The following PNKD variants were observed in gnomAD, a reference collection of about 807,000 sequenced individuals.
PNKD encodes the protein probable thioesterase PNKD.
In PNKD, 36 loss-of-function variants were observed where a neutral mutation model predicts 45.3. The ratio of observed to expected loss-of-function variants is 0.80; its 90% CI spans 0.61 to 1.05. The LOEUF (loss-of-function observed/expected upper bound fraction) is 1.05. Among genes scored for constraint, PNKD ranks in the 50% least tolerant of loss-of-function variants. PNKD has a pLI of 0.00. For missense variants in PNKD, 511 were observed against 506.6 expected (o/e 1.01, Z -0.08); for synonymous variants, 197 against 210.1 (o/e 0.94, Z 0.54).
chr2:218,344,885 G>A lies in PNKD; in HGVS notation c.1062G>A (p.Leu354=), dbSNP rs768551689. 1.2e-6 allele frequency: 2 copies of A among 1,613,942 alleles called. No individual in the cohort carries two copies. The highest frequency in any genetic ancestry group is 2.2e-5 in the South Asian group (2 of 91,078). The change falls in exon 10 of 10, where the codon CTG becomes CTA. Residue 354 remains leucine, a synonymous_variant. Coordinates refer to ENST00000273077, the MANE Select transcript of PNKD (RefSeq NM_015488.5). ...RTHCLALQEA[L]GPGPGPTGDD... is the part of the protein sequence containing the mutation. The stretch of plus-strand genomic sequence containing the variant: ...ACTGCCTGGCGCTACAGGAGGCTCT[G>A]GGGCCGGGGCCGGGCCCCACTGGGG...
At position 218,346,724 on chromosome 2, in the gene PNKD, CGCCTAGCACGGT is replaced by C. The variant is rs1205647262; in HGVS notation, c.*1753_*1764del. ...TATCTTATGCATCTCTGTATTTCTG[CGCCTAGCACGGT>C]GCCTAGCACACAGTAGGCGCTCAAT... On this transcript the variant is annotated 3_prime_UTR_variant, in exon 10 of 10. Transcript: ENST00000273077. 1 of 153,964 alleles carries C rather than the reference CGCCTAGCACGGT, an allele frequency of 6.5e-6. No individual in the cohort carries two copies. Among genetic ancestry groups the C allele is most frequent in the Admixed American group, 6.5e-5 (1 of 15,290 alleles). 9.5% of individuals were successfully genotyped at this position (153,964 alleles called of 1,614,324 possible).
At chr2:218,272,920 A>C in intron 2 of PNKD, 1 of 1,517,404 alleles carries the variant, frequency 6.6e-7, no homozygotes. Flanking sequence ...AAGGCAAATA[A>C]AGTTATTGAG....
chr2:218,270,723 TAG>T, intron 1 of PNKD, 121 bp downstream of exon 1: 2 of 424,228 alleles, frequency 4.7e-6, no homozygotes, highest in East Asian at 7.1e-5. Flanking sequence ...TGCAAGATCT[TAG>T]AGTCTGGGGG....
At position 218,344,896 on chromosome 2, in the gene PNKD, C is replaced by CG; in HGVS notation, c.1076dup (p.Thr361HisfsTer4). On this transcript the variant is annotated frameshift_variant, in exon 10 of 10. Transcript: ENST00000273077. LOFTEE classifies it high-confidence loss of function. ...CTACAGGAGGCTCTGGGGCCGGGGC[C>CG]GGGCCCCACTGGGGATGATGACTAC... The CG allele has an allele frequency of 6.2e-7, 1 of 1,613,956 alleles. No individual in the cohort carries two copies. Among genetic ancestry groups the CG allele is most frequent in the Non-Finnish European group, 8.5e-7 (1 of 1,179,860 alleles).
At chr2:218,300,551 C>CTTT (rs60503613) in intron 2 of PNKD, among the ~76,000 whole-genome samples, 8 of 144,024 alleles carry the variant, frequency 5.6e-5, no homozygotes, top group Middle Eastern at 3.6e-3. Flanking sequence ...CTTTTCTTTT[C>CTTT]TTTTTTTTTT....
At chr2:218,319,907 C>T (rs759857371) in intron 2 of PNKD, among the ~76,000 whole-genome samples, 1 of 152,258 alleles carries the variant, frequency 6.6e-6, no homozygotes, top group African/African-American at 2.4e-5. Flanking sequence ...TGAGCTGACA[C>T]CCAACAGCTA....
chr2:218,331,329 C>T (rs1278687997), intron 2 of PNKD, among the ~76,000 whole-genome samples: 2 of 152,030 alleles, frequency 1.3e-5, no homozygotes, highest in Admixed American at 6.6e-5. Context: ...ATCGCTTGAA[C>T]CCGGGAGGCG....
intron 2 of PNKD, among the ~76,000 whole-genome samples, chr2:218,307,890 T>C (rs2382821): frequency 0.033 from 5,019 of 151,944 alleles, 266 homozygotes; most frequent in African/African-American, 0.11. Context: ...AGAGGTTCAG[T>C]GATAAGGGCT....
intron 2 of PNKD, among the ~76,000 whole-genome samples, chr2:218,297,638 T>A (rs1272812555): frequency 7.8e-6 from 1 of 128,552 alleles, no homozygotes; most frequent in Non-Finnish European, 1.5e-5. Flanking sequence ...TGAGCCGAGA[T>A]CATGCCACTG....
In PNKD at chr2:218,271,455, G is replaced by A. The variant is rs1318681160; in HGVS notation, c.142G>A (p.Glu48Lys). The A allele has an allele frequency of 2.5e-6, 4 of 1,614,022 alleles. No individual in the cohort carries two copies. The highest frequency in any genetic ancestry group is 1.7e-5 in the Admixed American group (1 of 59,994). The change falls in exon 2 of 10, where the codon GAG (glutamate) becomes AAG (lysine). Residue 48 changes from glutamate (E) to lysine (K), a missense_variant. Physicochemically the swap from Glu to Lys is moderately conservative, Grantham distance 56. Transcript: ENST00000273077. Reference protein sequence around the residue: ...TRALQSHSSPEGKEEPEPLSP... With the variant: ...TRALQSHSSPKGKEEPEPLSP... ...GGCCCTGCAAAGCCACAGCTCCCCAGAGGGCAAGGAGGAACCTGAACCCCT... is the reference window on the plus strand; with the variant it reads ...GGCCCTGCAAAGCCACAGCTCCCCAAAGGGCAAGGAGGAACCTGAACCCCT...
intron 2 of PNKD, among the ~76,000 whole-genome samples, chr2:218,301,409 C>T (rs1339520223): frequency 6.6e-6 from 1 of 152,154 alleles, no homozygotes; most frequent in African/African-American, 2.4e-5. Context: ...AAACTGACAT[C>T]TAGGAAGCGG....
chr2:218,323,499 C>CG, intron 2 of PNKD: 1 of 222,684 alleles, frequency 4.5e-6, no homozygotes, highest in Non-Finnish European at 7.5e-6. Context: ...GACTGGGAGG[C>CG]GGGGGCTGGA....
At chr2:218,308,155 A>G (rs1415633518) in intron 2 of PNKD, among the ~76,000 whole-genome samples, 1 of 152,058 alleles carries the variant, frequency 6.6e-6, no homozygotes, top group African/African-American at 2.4e-5. Flanking sequence ...CCATGAGTCA[A>G]TCAACCAAAG....
intron 3 of PNKD, 31 bp from the exon 4 acceptor site, chr2:218,339,998 T>TA: frequency 6.5e-7 from 1 of 1,541,950 alleles, no homozygotes; most frequent in Admixed American, 1.7e-5. Context: ...CCCTGCCTGT[T>TA]ACCCCGCCCA....
rs367688029 is a variant in PNKD at position 218,305,202 on chromosome 2, TCTTC to T, written c.236+33659_236+33662del. Among the ~76,000 whole-genome samples the T allele has an allele frequency of 6.3e-3, 959 of 152,274 alleles. 10 individuals carry two copies. The highest frequency in any genetic ancestry group is 0.022 in the African/African-American group (901 of 41,554). On this transcript the variant is annotated intron_variant, in intron 2 of 9. Coordinates refer to ENST00000273077, the MANE Select transcript of PNKD (RefSeq NM_015488.5). ...GACAGTCTACACTCGGTTGTTCTGT[TCTTC>T]CTTCCCACACAACAGAACAAACATT...
rs982046229 is a variant in PNKD at position 218,340,401 on chromosome 2, T to A, written c.465+260T>A. ...CCCAGGACTCTGGGTCTAGTGAGTT[T>A]CCAGGCTGGCTTTCACTCCCATTGG... On this transcript the variant is annotated intron_variant, in intron 4 of 9. Coordinates refer to ENST00000273077, the MANE Select transcript of PNKD (RefSeq NM_015488.5). The surrounding 1 kb of genome is among the most constrained non-coding windows in gnomAD (Gnocchi z 4.2). 1.4e-4 allele frequency among the ~76,000 whole-genome samples: 22 copies of A among 151,842 alleles called. No individual in the cohort carries two copies. Among genetic ancestry groups the A allele is most frequent in the African/African-American group, 4.6e-4 (19 of 41,312 alleles).
chr2:218,324,437 G>T (rs986328330), intron 2 of PNKD, among the ~76,000 whole-genome samples: 1 of 152,212 alleles, frequency 6.6e-6, no homozygotes, highest in Non-Finnish European at 1.5e-5. Flanking sequence ...AGCTTCAGGC[G>T]CAGGATTCCA....
At chr2:218,299,477 C>T (rs943112447) in intron 2 of PNKD, among the ~76,000 whole-genome samples, 27 of 151,970 alleles carry the variant, frequency 1.8e-4, no homozygotes, top group Non-Finnish European at 3.4e-4. Flanking sequence ...GACAGGGTTT[C>T]GCTCTCACCC....
chr2:218,275,526 G>A, intron 2 of PNKD: 1 of 1,614,180 alleles, frequency 6.2e-7, no homozygotes, highest in Non-Finnish European at 8.5e-7. Context: ...TGTAGATGAT[G>A]TCTGTGTAAA....
Sources: gnomAD v4.1 joint callset for allele counts (sites outside exome capture counted in the v4.1 genomes callset) on GRCh38, gnomAD v4.1.1 for gene constraint, Gnocchi (gnomAD v3.1) non-coding constraint, MANE v1.5 for transcripts, NCBI Gene and HGNC (gene_info 2026-07-23, HGNC 2026-07-21) for gene names.